The following GLRA2 variants were observed in gnomAD, a reference collection of about 807,000 sequenced individuals.
GLRA2 encodes the protein glycine receptor alpha 2, also known as glycine receptor subunit alpha-2.
A neutral mutation model predicts 31.6 loss-of-function variants in GLRA2; 11 were observed. The observed-to-expected ratio is 0.35, with a 90% confidence interval of 0.22 to 0.58. The LOEUF is 0.58. Ranked by LOEUF, GLRA2 falls within the 20% of genes least tolerant of loss-of-function variation. GLRA2 has a pLI of 0.84. For missense variants in GLRA2, 212 were observed against 351.8 expected (o/e 0.60, Z 3.18); for synonymous variants, 132 against 134.0 (o/e 0.99, Z 0.10).
At chrX:14,537,321 G>A (rs2089339165) in intron 2 of GLRA2, among the ~76,000 whole-genome samples, 1 of 111,335 alleles carries the variant, frequency 9.0e-6, no homozygotes, top group African/African-American at 3.3e-5. Context: ...AGGGAGATGG[G>A]TAGGAAGAAA....
chrX:14,541,360 TC>T (rs983948160), intron 2 of GLRA2, among the ~76,000 whole-genome samples: 1 of 111,416 alleles, frequency 9.0e-6, no homozygotes, highest in Non-Finnish European at 1.9e-5. Flanking sequence ...CATTTCCCAC[TC>T]CTTGGCTGGT....
chrX:14,683,522 C>A (rs1043310390), intron 7 of GLRA2, among the ~76,000 whole-genome samples: 43 of 111,200 alleles, frequency 3.9e-4, no homozygotes, highest in African/African-American at 1.3e-3. Context: ...ATGGTAGTTT[C>A]TTTTGCTGTG....
At chrX:14,505,571 T>G in the GLRA2 span, among the ~76,000 whole-genome samples, 1 of 111,993 alleles carries the variant, frequency 8.9e-6, no homozygotes, top group Non-Finnish European at 1.9e-5. Context: ...ATGTACCTTA[T>G]AGCTAACACA....
chrX:14,626,317 G>A (rs1051679625), intron 7 of GLRA2, among the ~76,000 whole-genome samples: 1 of 111,923 alleles, frequency 8.9e-6, no homozygotes, highest in Non-Finnish European at 1.9e-5. Context: ...AATTATAGGC[G>A]GTAGCCCTTA....
chrX:14,695,003 C>T (rs1160211576), intron 8 of GLRA2, among the ~76,000 whole-genome samples: 1 of 111,827 alleles, frequency 8.9e-6, no homozygotes, highest in Non-Finnish European at 1.9e-5. Flanking sequence ...TTCAGATGCC[C>T]ATGAGACATC....
the GLRA2 span, among the ~76,000 whole-genome samples, chrX:14,501,104 C>T: frequency 4.6e-5 from 5 of 108,596 alleles, no homozygotes; most frequent in East Asian, 1.2e-3. Flanking sequence ...ATCCTACCTG[C>T]TACTAAAATT....
chrX:14,576,936 C>T (rs916386328), intron 3 of GLRA2, among the ~76,000 whole-genome samples: 2 of 112,797 alleles, frequency 1.8e-5, no homozygotes, highest in African/African-American at 6.4e-5. Context: ...TGACAAACTC[C>T]ATTTGCTTTA....
chrX:14,449,915 A>G, the GLRA2 span, among the ~76,000 whole-genome samples: 1 of 111,947 alleles, frequency 8.9e-6, no homozygotes, highest in Non-Finnish European at 1.9e-5. Flanking sequence ...GTGCTGGCAC[A>G]GGAGCTAGCT....
chrX:14,518,422 T>C, the GLRA2 span, among the ~76,000 whole-genome samples: 5 of 111,347 alleles, frequency 4.5e-5, no homozygotes, highest in African/African-American at 1.6e-4. Context: ...TATAAGAATA[T>C]TATGCAGCAT....
At chrX:14,580,252 AAG>A (rs2090001358) in intron 3 of GLRA2, among the ~76,000 whole-genome samples, 1 of 112,612 alleles carries the variant, frequency 8.9e-6, no homozygotes, top group Non-Finnish European at 1.9e-5. Context: ...ATGTAAAGGA[AAG>A]AGAGTAATAA....
intron 8 of GLRA2, among the ~76,000 whole-genome samples, chrX:14,699,820 C>T (rs1569524207): frequency 9.0e-6 from 1 of 111,729 alleles, no homozygotes; most frequent in East Asian, 2.8e-4. Flanking sequence ...GAGATCACGT[C>T]CTTTGCAGGG....
At chrX:14,509,815 T>C in the GLRA2 span, among the ~76,000 whole-genome samples, 10 of 112,370 alleles carry the variant, frequency 8.9e-5, no homozygotes, top group East Asian at 2.0e-3. Flanking sequence ...AAATGTATCT[T>C]ACACCTAAGT....
chrX:14,455,513 T>C, the GLRA2 span, among the ~76,000 whole-genome samples: 3 of 111,833 alleles, frequency 2.7e-5, no homozygotes, highest in Non-Finnish European at 5.7e-5. Context: ...AAAAGTGATA[T>C]TTGTTTTAAA....
intron 7 of GLRA2, among the ~76,000 whole-genome samples, chrX:14,672,838 T>A (rs189789496): frequency 2.4e-4 from 27 of 111,577 alleles, no homozygotes; most frequent in African/African-American, 8.1e-4. Flanking sequence ...TTGAATAGTA[T>A]GAAACAGTAG....
chrX:14,590,253 A>G (rs2090131856), intron 4 of GLRA2, among the ~76,000 whole-genome samples: 1 of 110,876 alleles, frequency 9.0e-6, no homozygotes, highest in African/African-American at 3.3e-5. Flanking sequence ...TGTAATAGAG[A>G]ACTCTTGGGG....
intron 7 of GLRA2, among the ~76,000 whole-genome samples, chrX:14,633,878 C>G (rs189781219): frequency 9.0e-6 from 1 of 111,671 alleles, no homozygotes; most frequent in African/African-American, 3.3e-5. Context: ...ATCTAATTAC[C>G]TTCCACAAGG....
At chrX:14,690,970 G>C in intron 8 of GLRA2, 111 bp downstream of exon 8, 1 of 825,314 alleles carries the variant, frequency 1.2e-6, no homozygotes, top group South Asian at 2.4e-5. Context: ...GTTAATTTTT[G>C]TTCTGATTTG....
At chrX:14,519,207 G>A in the GLRA2 span, among the ~76,000 whole-genome samples, 4 of 110,390 alleles carry the variant, frequency 3.6e-5, no homozygotes, top group Non-Finnish European at 7.6e-5. Flanking sequence ...TTTTCAAAAT[G>A]CAATGAATAT....
intron 4 of GLRA2, among the ~76,000 whole-genome samples, chrX:14,601,698 T>A (rs2090277117): frequency 8.9e-6 from 1 of 111,899 alleles, no homozygotes; most frequent in Non-Finnish European, 1.9e-5. Context: ...GGATTCTTTG[T>A]CTAATCTGAC....
Sources: gnomAD v4.1 joint callset for allele counts (sites outside exome capture counted in the v4.1 genomes callset) on GRCh38, gnomAD v4.1.1 for gene constraint, MANE v1.5 for transcripts, NCBI Gene and HGNC (gene_info 2026-07-23, HGNC 2026-07-21) for gene names.